The following SLC16A7 variants were observed in gnomAD, a reference collection of about 807,000 sequenced individuals.
SLC16A7 encodes the protein monocarboxylate transporter 2.
SLC16A7 carries 33 observed loss-of-function variants against 34.9 expected under a neutral mutation model. The ratio of observed to expected loss-of-function variants is 0.94; its 90% CI spans 0.72 to 1.26. SLC16A7 has a LOEUF of 1.26. Among genes scored for constraint, SLC16A7 ranks in the 50% most tolerant of loss-of-function variants. The probability of loss-of-function intolerance (pLI) is 0.00; values close to 1 mark genes in which losing one functional copy is unlikely to be tolerated. For missense variants in SLC16A7, 573 were observed against 578.1 expected (o/e 0.99, Z 0.09); for synonymous variants, 201 against 206.6 (o/e 0.97, Z 0.23).
chr12:59,740,347 A>T lies in SLC16A7; in HGVS notation c.218-30872A>T, dbSNP rs1335306199. ...TTTTGTCAGGTTTGTCCAAGATCAG[A>T]TAGTTGTAGATATGCGGCGTTATTT... On this transcript the variant is annotated intron_variant, in intron 3 of 5. Coordinates refer to ENST00000547379, the MANE Select transcript of SLC16A7 (RefSeq NM_001270623.2). Among the ~76,000 whole-genome samples, 3 of 152,114 alleles carry T rather than the reference A, an allele frequency of 2.0e-5. No individual in the cohort carries two copies. The East Asian group carries it at 5.8e-4, about 29-fold the overall frequency.
chr12:59,710,684 C>G (rs1179905878), intron 3 of SLC16A7, among the ~76,000 whole-genome samples: 2 of 152,074 alleles, frequency 1.3e-5, no homozygotes. Context: ...AATTTATGAC[C>G]TGACAAGAAT....
In SLC16A7 at chr12:59,779,648, G is replaced by A. The variant is rs1342525493; in HGVS notation, c.1406G>A (p.Ser469Asn). 3.7e-6 allele frequency: 6 copies of A among 1,611,066 alleles called. No individual in the cohort carries two copies. The highest frequency in any genetic ancestry group is 3.4e-6 in the Non-Finnish European group (4 of 1,178,004). The stretch of plus-strand genomic sequence containing the variant: ...AACGTCAAAGTTTCAAATGCACAGA[G>A]TGTAACCTCAGAAAGAGAAACTAAC... ...DVNVKVSNAQSVTSERETNI is the reference protein window; with the variant it reads ...DVNVKVSNAQNVTSERETNI The change falls in exon 6 of 6, where the codon AGT becomes AAT. Residue 469 changes from serine to asparagine, a missense_variant. By Grantham distance (46) the Ser-to-Asn change is conservative. Transcript: ENST00000547379.
Position 59,662,474 on chromosome 12 carries a change from G to T in SLC16A7, c.-31+7224G>T, listed in dbSNP as rs533339012. Among the ~76,000 whole-genome samples, 170 of 151,968 alleles carry T rather than the reference G, an allele frequency of 1.1e-3. 6 individuals are homozygous for T. The South Asian group carries it at 0.014, about 12-fold the overall frequency. Reference sequence around the variant, plus strand: ...AAACCAGAAATTTAAAAAAAATCTCGCATGATCCTATTTTTGGAGTTACTT... The same window carrying T: ...AAACCAGAAATTTAAAAAAAATCTCTCATGATCCTATTTTTGGAGTTACTT... On this transcript the variant is annotated intron_variant, in intron 2 of 5. Transcript: ENST00000547379.
At chr12:59,667,175 C>T (rs1327776464) in intron 2 of SLC16A7, among the ~76,000 whole-genome samples, 5 of 152,164 alleles carry the variant, frequency 3.3e-5, no homozygotes, top group Non-Finnish European at 5.9e-5. Flanking sequence ...ATTCCATTAC[C>T]TTCCCCTTAG....
At chr12:59,623,461 T>C (rs997889488) in intron 1 of SLC16A7, among the ~76,000 whole-genome samples, 3 of 151,732 alleles carry the variant, frequency 2.0e-5, no homozygotes. Flanking sequence ...TTTTATGTCT[T>C]ATGTTTTTAA....
chr12:59,723,519 A>G (rs1011713143), intron 3 of SLC16A7, among the ~76,000 whole-genome samples: 1 of 152,028 alleles, frequency 6.6e-6, no homozygotes, highest in Non-Finnish European at 1.5e-5. Flanking sequence ...AAGAAATAAA[A>G]GACAGCCTTA....
At chr12:59,686,251 A>AC (rs1196427754) in intron 2 of SLC16A7, among the ~76,000 whole-genome samples, 1 of 151,920 alleles carries the variant, frequency 6.6e-6, no homozygotes, top group Non-Finnish European at 1.5e-5. Context: ...TTTGTGTTTT[A>AC]CATGCTAAGA....
chr12:59,753,400 GA>G (rs1565696945), intron 3 of SLC16A7, among the ~76,000 whole-genome samples: 1 of 152,116 alleles, frequency 6.6e-6, no homozygotes, highest in African/African-American at 2.4e-5. Flanking sequence ...AAAATAAAAG[GA>G]TGGAAGAAGA....
chr12:59,703,879 ACACCTTAAATAT>A (rs1286472386), intron 2 of SLC16A7, among the ~76,000 whole-genome samples: 1 of 152,132 alleles, frequency 6.6e-6, no homozygotes, highest in Non-Finnish European at 1.5e-5. Flanking sequence ...AACATGTTTT[ACACCTTAAATAT>A]ATAATTTTTA....
In SLC16A7 at chr12:59,786,584, C is replaced by G. The variant is rs940512781; in HGVS notation, c.*6905C>G. 2 of 152,042 alleles carry G rather than the reference C, an allele frequency of 1.3e-5. No homozygotes were observed. Among genetic ancestry groups the G allele is most frequent in the Non-Finnish European group, 2.9e-5 (2 of 67,978 alleles). 9.4% of individuals were successfully genotyped at this position (152,042 alleles called of 1,614,324 possible). On this transcript the variant is annotated 3_prime_UTR_variant, in exon 6 of 6. Coordinates refer to ENST00000547379, the MANE Select transcript of SLC16A7 (RefSeq NM_001270623.2). ...AAATATTTATTTCTAAACATTAGAT[C>G]TAATTGTATTTTGATTTGTTTTGAT...
intron 2 of SLC16A7, among the ~76,000 whole-genome samples, chr12:59,678,313 G>T (rs1870473174): frequency 1.3e-5 from 2 of 152,162 alleles, no homozygotes; most frequent in Admixed American, 1.3e-4. Context: ...GGAAGAATGA[G>T]GTATGTGGAC....
At chr12:59,757,483 T>A (rs1880517830) in intron 3 of SLC16A7, among the ~76,000 whole-genome samples, 1 of 152,114 alleles carries the variant, frequency 6.6e-6, no homozygotes, top group Admixed American at 6.6e-5. Context: ...TCAAGACTGC[T>A]TTTGATTTTT....
chr12:59,738,912 C>G (rs1199359205), intron 3 of SLC16A7, among the ~76,000 whole-genome samples: 1 of 151,334 alleles, frequency 6.6e-6, no homozygotes, highest in Non-Finnish European at 1.5e-5. Flanking sequence ...ATCACTTACC[C>G]ATTTATCTAT....
intron 2 of SLC16A7, among the ~76,000 whole-genome samples, chr12:59,664,393 A>C (rs1479763506): frequency 6.6e-5 from 10 of 152,220 alleles, no homozygotes; most frequent in African/African-American, 2.4e-4. Context: ...AGAGTGGCTG[A>C]CCATGTAGGG....
At position 59,671,972 on chromosome 12, in the gene SLC16A7, TCCATATATCC is replaced by T. The variant is rs1592466882; in HGVS notation, c.-31+16723_-31+16732del. On this transcript the variant is annotated intron_variant, in intron 2 of 5. Transcript: ENST00000547379. The stretch of plus-strand genomic sequence containing the variant: ...GTATATATGTATATATGTGTATATA[TCCATATATCC>T]GTATATATATGTGTATATATCCATA... Among the ~76,000 whole-genome samples the T allele has an allele frequency of 3.2e-5, 2 of 62,080 alleles. 1 individual carries two copies. Among genetic ancestry groups the T allele is most frequent in the South Asian group, 9.1e-4 (2 of 2,196 alleles). 40.7% of individuals were successfully genotyped at this position (62,080 alleles called of 152,430 possible).
intron 2 of SLC16A7, among the ~76,000 whole-genome samples, chr12:59,682,523 C>A (rs1003821285): frequency 6.6e-6 from 1 of 151,884 alleles, no homozygotes; most frequent in Non-Finnish European, 1.5e-5. Context: ...TGAATAATTT[C>A]AAAAATGAAA....
chr12:59,621,880 T>C (rs1459958649), intron 1 of SLC16A7, among the ~76,000 whole-genome samples: 1 of 151,742 alleles, frequency 6.6e-6, no homozygotes, highest in Non-Finnish European at 1.5e-5. Flanking sequence ...TTGAGGAAAT[T>C]ATGCATTTTA....
chr12:59,740,775 C>G (rs1878228348), intron 3 of SLC16A7, among the ~76,000 whole-genome samples: 1 of 152,122 alleles, frequency 6.6e-6, no homozygotes, highest in African/African-American at 2.4e-5. Flanking sequence ...CAAATTGTCC[C>G]TGTTTGCAGA....
intron 4 of SLC16A7, among the ~76,000 whole-genome samples, chr12:59,772,921 T>C (rs1206642901): frequency 6.6e-6 from 1 of 152,124 alleles, no homozygotes; most frequent in Non-Finnish European, 1.5e-5. Flanking sequence ...CTAAGTGTTT[T>C]GCCCAGTAAT....
Sources: allele counts gnomAD v4.1 joint callset (sites outside exome capture counted in the v4.1 genomes callset), GRCh38; gene constraint gnomAD v4.1.1; transcripts MANE v1.5; gene names NCBI Gene and HGNC (gene_info 2026-07-23, HGNC 2026-07-21).